Variants in GRID2 observed in about 807,000 individuals in gnomAD.
The protein encoded by GRID2 is glutamate receptor ionotropic, delta-2.
In GRID2, 33 loss-of-function variants were observed where a neutral mutation model predicts 114.8. The ratio of observed to expected loss-of-function variants is 0.29; its 90% CI spans 0.22 to 0.38. The LOEUF (loss-of-function observed/expected upper bound fraction) is 0.38. GRID2 is among the 10% of genes least tolerant of loss of function. GRID2 has a pLI of 1.00. For missense variants in GRID2, 1,184 were observed against 1,257.7 expected (o/e 0.94, Z 0.89); for synonymous variants, 505 against 449.9 (o/e 1.12, Z -1.55).
In GRID2 at chr4:93,589,504, A is replaced by G. The variant is rs187853269; in HGVS notation, c.2194-36765A>G. ...TCTTTGCTATTGTGAATAATGCCGC[A>G]ATAAACATACATCTGCATGTATCTT... On this transcript the variant is annotated intron_variant, in intron 13 of 15. Coordinates refer to ENST00000282020, the MANE Select transcript of GRID2 (RefSeq NM_001510.4). Among the ~76,000 whole-genome samples, 267 of 152,238 alleles carry G rather than the reference A, an allele frequency of 1.8e-3. 1 individual carries two copies. The highest frequency in any genetic ancestry group is 6.3e-3 in the African/African-American group (260 of 41,530).
At chr4:92,340,669 C>A (rs1015978198) in intron 1 of GRID2, among the ~76,000 whole-genome samples, 6 of 152,172 alleles carry the variant, frequency 3.9e-5, no homozygotes, top group Non-Finnish European at 7.3e-5. Flanking sequence ...AGGATGATCA[C>A]CCCTGTCTAG....
intron 2 of GRID2, among the ~76,000 whole-genome samples, chr4:92,986,870 G>C (rs1754538412): frequency 6.6e-6 from 1 of 152,110 alleles, no homozygotes; most frequent in Admixed American, 6.6e-5. Flanking sequence ...ACATAGTTGA[G>C]AGCTCTTAGA....
chr4:92,602,245 A>G (rs1373995832), intron 2 of GRID2, among the ~76,000 whole-genome samples: 2 of 150,856 alleles, frequency 1.3e-5, no homozygotes, highest in African/African-American at 4.9e-5. Context: ...AGAAAGAAAA[A>G]GAAAAAAGAA....
At chr4:93,031,344 G>A (rs1283785934) in intron 2 of GRID2, among the ~76,000 whole-genome samples, 8 of 151,958 alleles carry the variant, frequency 5.3e-5, no homozygotes, top group Admixed American at 3.3e-4. Flanking sequence ...GTGCCCGGCC[G>A]TATCATCCAC....
chr4:92,690,335 T>C (rs954672930), intron 2 of GRID2, among the ~76,000 whole-genome samples: 16 of 152,220 alleles, frequency 1.1e-4, no homozygotes, highest in African/African-American at 3.9e-4. Flanking sequence ...GAGAGAGACA[T>C]GGGAACAGTT....
chr4:93,617,992 T>C (rs1337250095), intron 13 of GRID2, among the ~76,000 whole-genome samples: 1 of 152,174 alleles, frequency 6.6e-6, no homozygotes, highest in African/African-American at 2.4e-5. Flanking sequence ...CCCCCTAACC[T>C]TCTGTACCCA....
chr4:92,586,511 A>G (rs1728458263), intron 1 of GRID2, among the ~76,000 whole-genome samples: 1 of 151,980 alleles, frequency 6.6e-6, no homozygotes, highest in Non-Finnish European at 1.5e-5. Context: ...ATACCTTTCT[A>G]AAACATAATT....
rs537702128 is a variant in GRID2, at chr4:93,364,316, G to A, written c.1246-31291G>A. Among the ~76,000 whole-genome samples the A allele has an allele frequency of 2.0e-4, 30 of 151,986 alleles. No individual in the cohort carries two copies. In the South Asian group the frequency reaches 6.2e-3, roughly 32 times the overall value. On this transcript the variant is annotated intron_variant, in intron 8 of 15. Transcript: ENST00000282020. ...ATCACAAGGTTAGGTCTAAAAATAG[G>A]CTTTTTTAAAAAAATCAATTTTGCC...
At chr4:92,834,365 A>G (rs532075137) in intron 2 of GRID2, among the ~76,000 whole-genome samples, 9 of 152,076 alleles carry the variant, frequency 5.9e-5, no homozygotes, top group Middle Eastern at 3.2e-3. Context: ...TTCTATTTTC[A>G]TTTTGCTTTT....
intron 2 of GRID2, among the ~76,000 whole-genome samples, chr4:92,677,512 C>T (rs1382393992): frequency 6.6e-6 from 1 of 152,044 alleles, no homozygotes; most frequent in Admixed American, 6.6e-5. Flanking sequence ...CTCATTTCTC[C>T]TTGCATGTGA....
chr4:93,117,636 T>G (rs905315885), intron 4 of GRID2, among the ~76,000 whole-genome samples: 1 of 152,126 alleles, frequency 6.6e-6, no homozygotes, highest in African/African-American at 2.4e-5. Context: ...CTCTATCTAT[T>G]TATTTAGTGC....
intron 2 of GRID2, among the ~76,000 whole-genome samples, chr4:92,799,694 TTACAAA>T (rs1360445402): frequency 4.6e-5 from 7 of 151,892 alleles, no homozygotes; most frequent in Non-Finnish European, 7.4e-5. Flanking sequence ...TTTAAAGGGG[TTACAAA>T]TACAAATACA....
At chr4:93,490,479 GAATT>G (rs767174502) in intron 11 of GRID2, among the ~76,000 whole-genome samples, 156 bp from the exon 12 acceptor site, 5 of 151,926 alleles carry the variant, frequency 3.3e-5, no homozygotes, top group Non-Finnish European at 4.4e-5. Context: ...TCATAAAAGA[GAATT>G]AAATATGGAG....
chr4:92,503,990 G>A, intron 1 of GRID2, among the ~76,000 whole-genome samples: 1 of 152,052 alleles, frequency 6.6e-6, no homozygotes, highest in East Asian at 1.9e-4. Context: ...TATGAAAATA[G>A]CAATAAAAAT....
At chr4:93,347,667 A>G (rs1217384203) in intron 8 of GRID2, among the ~76,000 whole-genome samples, 4 of 152,144 alleles carry the variant, frequency 2.6e-5, no homozygotes, top group Admixed American at 6.6e-5. Flanking sequence ...TATATTTGCT[A>G]ATGTATTACT....
In GRID2 at chr4:93,215,502, G is replaced by C. The variant is rs2870684; in HGVS notation, c.790-1236G>C. ...CTGCTCTTTGACAGACAAAGTTTTT[G>C]GTGGCCAGTGAAATGACACAGACTA... On this transcript the variant is annotated intron_variant, in intron 5 of 15. Coordinates refer to ENST00000282020, the MANE Select transcript of GRID2 (RefSeq NM_001510.4). Among the ~76,000 whole-genome samples the C allele has an allele frequency of 2.0e-3, 307 of 152,020 alleles. 4 individuals carry two copies. Among genetic ancestry groups the C allele is most frequent in the South Asian group, 0.012 (56 of 4,824 alleles).
chr4:93,058,396 C>G (rs1436318527), intron 2 of GRID2, among the ~76,000 whole-genome samples: 2 of 151,890 alleles, frequency 1.3e-5, no homozygotes, highest in South Asian at 2.1e-4. Flanking sequence ...AAATATTTTT[C>G]TATTTTTTCA....
chr4:92,983,824 G>T (rs1209265588), intron 2 of GRID2, among the ~76,000 whole-genome samples: 1 of 152,068 alleles, frequency 6.6e-6, no homozygotes, highest in African/African-American at 2.4e-5. Flanking sequence ...AGGTAGGAAG[G>T]CTTTACTGTC....
chr4:92,927,778 C>G (rs1320499573), intron 2 of GRID2, among the ~76,000 whole-genome samples: 1 of 151,526 alleles, frequency 6.6e-6, no homozygotes, highest in African/African-American at 2.4e-5. Flanking sequence ...TATTTACAAG[C>G]CTTTTTGTGA....
Sources: gnomAD v4.1 joint callset for allele counts (sites outside exome capture counted in the v4.1 genomes callset) on GRCh38, gnomAD v4.1.1 for gene constraint, MANE v1.5 for transcripts, NCBI Gene and HGNC (gene_info 2026-07-23, HGNC 2026-07-21) for gene names.